Variants in AFDN observed in about 807,000 individuals in gnomAD.
The protein encoded by AFDN is afadin.
Under a neutral mutation model 216.6 loss-of-function variants are expected in AFDN, and 68 were observed. That is an observed-to-expected ratio of 0.31 (90% CI 0.26 to 0.38). AFDN has a LOEUF of 0.38. AFDN is among the 10% of genes least tolerant of loss of function. AFDN has a pLI of 1.00. For synonymous variants in AFDN, 868 were observed against 853.7 expected, an observed-to-expected ratio of 1.02 and a Z score of -0.29; for missense variants, 2,136 against 2,342.0, an observed-to-expected ratio of 0.91 and a Z score of 1.82.
chr6:167,915,077 A>G (rs996213501), intron 18 of AFDN, 91 bp from the exon 19 acceptor site: 4 of 1,330,748 alleles, frequency 3.0e-6, no homozygotes, highest in Admixed American at 3.8e-5. Context: ...ACTTACTACC[A>G]TAGGTACCAT....
intron 22 of AFDN, 156 bp downstream of exon 22, chr6:167,923,115 C>A: frequency 1.8e-6 from 1 of 559,172 alleles, no homozygotes; most frequent in Non-Finnish European, 3.1e-6. Flanking sequence ...AGCCATAATT[C>A]ATATATATGT....
At chr6:167,886,105 T>C (rs1404411760) in intron 6 of AFDN, among the ~76,000 whole-genome samples, 2 of 152,298 alleles carry the variant, frequency 1.3e-5, no homozygotes, top group African/African-American at 2.4e-5. Context: ...GTTTTTTTTT[T>C]CCCTTGTGCT....
At chr6:167,837,270 T>C (rs1452037940) in intron 1 of AFDN, among the ~76,000 whole-genome samples, 1 of 152,228 alleles carries the variant, frequency 6.6e-6, no homozygotes, top group Non-Finnish European at 1.5e-5. Flanking sequence ...AAATATTTGC[T>C]TCTTTCCATT....
chr6:167,859,049 A>G (rs1427541931), intron 1 of AFDN, among the ~76,000 whole-genome samples: 1 of 151,570 alleles, frequency 6.6e-6, no homozygotes, highest in Non-Finnish European at 1.5e-5. Flanking sequence ...TAGCCTGGTG[A>G]AGAAATTTTA....
At chr6:167,878,412 A>G (rs1026265648) in intron 5 of AFDN, among the ~76,000 whole-genome samples, 3 of 152,000 alleles carry the variant, frequency 2.0e-5, no homozygotes, top group African/African-American at 7.3e-5. Flanking sequence ...TTCTGGTGTC[A>G]TGGAAAACAC....
At position 167,946,805 on chromosome 6, in the gene AFDN, C is replaced by T. The variant is rs1207587139; in HGVS notation, c.3457C>T (p.Leu1153=). 1 of 1,613,286 alleles carries T rather than the reference C, an allele frequency of 6.2e-7. No homozygotes were observed. Among genetic ancestry groups the T allele is most frequent in the Admixed American group, 1.7e-5 (1 of 59,816 alleles). ...TQNGSPESPQ[L]PWAEYSEPKK... is the part of the protein sequence containing the mutation. ...AAATGGGTCTCCTGAGAGTCCTCAG[C>T]TGCCTTGGGCAGAATATAGTGAACC... Residue 1153 remains leucine (L), a synonymous_variant, in exon 27 of 34, where the codon CTG becomes TTG. Coordinates refer to ENST00000683244, the MANE Select transcript of AFDN (RefSeq NM_001386888.1).
chr6:167,923,255 C>T (rs1220502485), intron 22 of AFDN: 3 of 194,052 alleles, frequency 1.5e-5, no homozygotes, highest in African/African-American at 2.3e-5. Context: ...AATATGATAA[C>T]CTTAAAATAT....
intron 16 of AFDN, 50 bp from the exon 17 acceptor site, chr6:167,914,118 A>G (rs1377883923): frequency 1.3e-6 from 2 of 1,594,798 alleles, no homozygotes; most frequent in Non-Finnish European, 1.7e-6. Flanking sequence ...TTATATTTTT[A>G]TTACTTTTGT....
intron 6 of AFDN, among the ~76,000 whole-genome samples, chr6:167,886,317 A>C (rs922144858): frequency 1.3e-5 from 2 of 152,230 alleles, no homozygotes; most frequent in African/African-American, 2.4e-5. Context: ...AAGTCTTCTC[A>C]GAAGTGAAAT....
intron 1 of AFDN, among the ~76,000 whole-genome samples, chr6:167,858,606 G>A (rs1783171655): frequency 6.6e-6 from 1 of 152,196 alleles, no homozygotes; most frequent in Non-Finnish European, 1.5e-5. Context: ...ACATTACACA[G>A]TTGTGCATTG....
At chr6:167,831,522 A>G (rs1779831994) in intron 1 of AFDN, among the ~76,000 whole-genome samples, 1 of 152,198 alleles carries the variant, frequency 6.6e-6, no homozygotes, top group Admixed American at 6.5e-5. Flanking sequence ...AACTACATCT[A>G]GGCTAGTTTC....
chr6:167,956,224 G>A (rs994546389), intron 30 of AFDN, among the ~76,000 whole-genome samples: 4 of 151,192 alleles, frequency 2.6e-5, no homozygotes, highest in African/African-American at 9.7e-5. Flanking sequence ...TCCTTAATAA[G>A]GATAAGGGCA....
At chr6:167,935,423 G>T (rs1335298648) in intron 23 of AFDN, among the ~76,000 whole-genome samples, 9 of 152,174 alleles carry the variant, frequency 5.9e-5, no homozygotes, top group Admixed American at 2.0e-4. Flanking sequence ...GATGTTCTCA[G>T]GGGCCTCCAG....
intron 30 of AFDN, among the ~76,000 whole-genome samples, chr6:167,959,584 A>T (rs879587103): frequency 2.6e-5 from 4 of 152,230 alleles, no homozygotes; most frequent in Non-Finnish European, 5.9e-5. Flanking sequence ...AAGGGCTTTA[A>T]CAGAGTCGTG....
chr6:167,945,094 C>G (rs1023970023), intron 26 of AFDN, among the ~76,000 whole-genome samples: 2 of 152,094 alleles, frequency 1.3e-5, no homozygotes, highest in African/African-American at 4.8e-5. Flanking sequence ...TGGCTTAAAA[C>G]ACAAACATGT....
intron 32 of AFDN, 92 bp downstream of exon 32, chr6:167,966,137 G>C (rs936015183): frequency 8.5e-6 from 13 of 1,534,986 alleles, no homozygotes; most frequent in Non-Finnish European, 1.0e-5. Flanking sequence ...AGCCACGCCC[G>C]GCCTCCGATG....
At chr6:167,913,502 A>G (rs879794772) in intron 16 of AFDN, 79 bp downstream of exon 16, 3 of 1,330,372 alleles carry the variant, frequency 2.3e-6, no homozygotes, top group Non-Finnish European at 3.1e-6. Flanking sequence ...CAAATAAGTA[A>G]TACAACAGCT....
chr6:167,929,179 T>G (rs1792949038), intron 23 of AFDN, among the ~76,000 whole-genome samples: 1 of 152,050 alleles, frequency 6.6e-6, no homozygotes, highest in Admixed American at 6.5e-5. Context: ...GAAAGACTAT[T>G]ACTGCCTATC....
chr6:167,925,216 T>C (rs1233784749), intron 23 of AFDN, 125 bp downstream of exon 23: 1 of 686,930 alleles, frequency 1.5e-6, no homozygotes, highest in Non-Finnish European at 2.6e-6. Context: ...CAGTTCTGTT[T>C]CTGCGTAGGA....
Sources: allele counts gnomAD v4.1 joint callset (sites outside exome capture counted in the v4.1 genomes callset), GRCh38; gene constraint gnomAD v4.1.1; transcripts MANE v1.5; gene names NCBI Gene and HGNC (gene_info 2026-07-23, HGNC 2026-07-21).